PLOD2: variants seen among roughly 807,000 people sequenced by gnomAD.
The protein encoded by PLOD2 is procollagen-lysine,2-oxoglutarate 5-dioxygenase 2.
A neutral mutation model predicts 101.0 loss-of-function variants in PLOD2; 65 were observed. The observed-to-expected ratio is 0.64, with a 90% CI of 0.53 to 0.79. The LOEUF (loss-of-function observed/expected upper bound fraction) is 0.79. Among genes scored for constraint, PLOD2 ranks in the 30% least tolerant of loss-of-function variants. The pLI is 0.00. For synonymous variants in PLOD2, 314 were observed against 302.9 expected, an observed-to-expected ratio of 1.04 and a Z score of -0.38; for missense variants, 909 against 914.6, an observed-to-expected ratio of 0.99 and a Z score of 0.08.
At chr3:146,115,751 G>A (rs947905222) in intron 3 of PLOD2, among the ~76,000 whole-genome samples, 13 of 152,106 alleles carry the variant, frequency 8.5e-5, no homozygotes, top group African/African-American at 1.9e-4. Context: ...GGCCTAAAGC[G>A]GGAGTCAGTA....
chr3:146,077,956 C>T, intron 13 of PLOD2, 32 bp from the exon 14 acceptor site: 1 of 1,142,914 alleles, frequency 8.7e-7, no homozygotes, highest in Middle Eastern at 1.9e-4. Context: ...GGTAAGTTGA[C>T]CTGTACACCC....
At chr3:146,102,005 G>A (rs1937404802) in intron 7 of PLOD2, among the ~76,000 whole-genome samples, 1 of 152,116 alleles carries the variant, frequency 6.6e-6, no homozygotes, top group Non-Finnish European at 1.5e-5. Flanking sequence ...GCTTTTCCTG[G>A]AATTCAGATC....
At chr3:146,117,668 G>A (rs1937972983) in intron 3 of PLOD2, among the ~76,000 whole-genome samples, 2 of 152,104 alleles carry the variant, frequency 1.3e-5, no homozygotes, top group African/African-American at 4.8e-5. Flanking sequence ...CATGTTTTCA[G>A]TTAGCTGGCT....
At chr3:146,150,824 C>T (rs2032020275) in intron 1 of PLOD2, among the ~76,000 whole-genome samples, 1 of 152,056 alleles carries the variant, frequency 6.6e-6, no homozygotes, top group Non-Finnish European at 1.5e-5. Flanking sequence ...ATTTTTTTAA[C>T]AGCATACAAT....
At chr3:146,077,742 A>G in intron 14 of PLOD2, 120 bp downstream of exon 14, 1 of 626,458 alleles carries the variant, frequency 1.6e-6, no homozygotes, top group South Asian at 2.1e-5. Flanking sequence ...ATGACTGATG[A>G]AAATCAACAT....
chr3:146,113,564 C>T (rs559408233), intron 3 of PLOD2, among the ~76,000 whole-genome samples: 1 of 152,252 alleles, frequency 6.6e-6, no homozygotes, highest in South Asian at 2.1e-4. Flanking sequence ...GTCTTTACTG[C>T]AATCTCTGAA....
At chr3:146,106,708 A>G in intron 4 of PLOD2, 64 bp from the exon 5 acceptor site, 1 of 829,398 alleles carries the variant, frequency 1.2e-6, no homozygotes, top group Non-Finnish European at 2.1e-6. Context: ...GTGTCATGTT[A>G]ATTTCACTGA....
Position 146,161,159 on chromosome 3 carries a change from G to C in PLOD2, c.-170C>G, listed in dbSNP as rs527384365. ...AGCGGCGCGTAACGCAGCTGAGTGA[G>C]GTCGTCGGTGGAGGCACGGAGCAGC... is the stretch of plus-strand genomic sequence containing the variant. On this transcript the variant is annotated 5_prime_UTR_variant, in exon 1 of 20. Transcript: ENST00000282903. 800 of 408,096 alleles carry C rather than the reference G, an allele frequency of 2.0e-3. 4 individuals carry two copies. The highest frequency in any genetic ancestry group is 8.7e-3 in the South Asian group (129 of 14,782). The allele number at this position is 408,096 out of a possible 1,614,324, so 25.3% of individuals were successfully genotyped here. A position where few individuals can be genotyped will look rare whatever the true frequency, so the allele number is the denominator to read the frequency against.
At chr3:146,146,596 C>A (rs953715189) in intron 1 of PLOD2, among the ~76,000 whole-genome samples, 3 of 152,098 alleles carry the variant, frequency 2.0e-5, no homozygotes, top group African/African-American at 7.2e-5. Context: ...CTGAATTCTG[C>A]ATTGTTGGTA....
chr3:146,127,371 T>G (rs942130067), intron 1 of PLOD2, among the ~76,000 whole-genome samples: 37 of 152,076 alleles, frequency 2.4e-4, no homozygotes, highest in African/African-American at 8.5e-4. Context: ...ATTTTTTCCA[T>G]CTTTATGTCC....
At chr3:146,110,092 A>T (rs1226723745) in intron 4 of PLOD2, among the ~76,000 whole-genome samples, 193 bp downstream of exon 4, 1 of 152,200 alleles carries the variant, frequency 6.6e-6, no homozygotes, top group Non-Finnish European at 1.5e-5. Flanking sequence ...TTTGGTAATT[A>T]TAACATTTAT....
rs906348941 is a variant in PLOD2, at chr3:146,121,092, C to T, written c.338+20G>A. 2.0e-6 allele frequency: 3 copies of T among 1,533,514 alleles called. No homozygotes were observed. The highest frequency in any genetic ancestry group is 2.7e-6 in the Non-Finnish European group (3 of 1,107,360). 95.0% of individuals were successfully genotyped at this position (1,533,514 alleles called of 1,614,324 possible). A position where few individuals can be genotyped will look rare whatever the true frequency, so the allele number is the denominator to read the frequency against. ...AGTAATTGAATATAGATTTTAAAAT[C>T]CACAGGGTGTTTCTCCTACCATTCA... is the stretch of plus-strand genomic sequence containing the variant. On this transcript the variant is annotated intron_variant, in intron 3 of 19. Transcript: ENST00000282903.
intron 1 of PLOD2, 157 bp downstream of exon 1, chr3:146,160,724 C>G: frequency 1.6e-6 from 1 of 608,170 alleles, no homozygotes; most frequent in East Asian, 2.9e-5. Flanking sequence ...CCAGCGCCGC[C>G]CGACCGCAAT....
In PLOD2 at chr3:146,136,686, C is replaced by T. The variant is rs191350847; in HGVS notation, c.110-12457G>A. Among the ~76,000 whole-genome samples the T allele has an allele frequency of 2.3e-3, 355 of 152,152 alleles. 2 individuals carry two copies. Among genetic ancestry groups the T allele is most frequent in the African/African-American group, 8.2e-3 (340 of 41,530 alleles). ...TAGCAGTCATAGCACAATGGGTTGC[C>T]TTTTTTATGTTTAGATATATTTAGA... is the stretch of plus-strand genomic sequence containing the variant. On this transcript the variant is annotated intron_variant, in intron 1 of 19. Coordinates refer to ENST00000282903, the MANE Select transcript of PLOD2 (RefSeq NM_182943.3).
intron 1 of PLOD2, among the ~76,000 whole-genome samples, chr3:146,135,680 T>C (rs2108116589): frequency 6.6e-6 from 1 of 152,300 alleles, no homozygotes; most frequent in Middle Eastern, 3.4e-3. Context: ...TTCTGATGTA[T>C]GCTTTAAGAG....
At position 146,086,809 on chromosome 3, in the gene PLOD2, C is replaced by T. The variant is rs1273830117; in HGVS notation, c.1105G>A (p.Ala369Thr). The T allele has an allele frequency of 2.0e-6, 3 of 1,498,418 alleles. No homozygotes were observed. Among genetic ancestry groups the T allele is most frequent in the East Asian group, 2.4e-5 (1 of 41,850 alleles). 92.8% of individuals were successfully genotyped at this position (1,498,418 alleles called of 1,614,324 possible). ...IVGPEENLSQ[A>T]EARNMGMDFC... ...TACATTCCCATGTTTCTGGCTTCCGCTTGACTTAGATTTTCTTCTGGTCCT... is the reference window on the plus strand; with the variant it reads ...TACATTCCCATGTTTCTGGCTTCCGTTTGACTTAGATTTTCTTCTGGTCCT... The change falls in exon 10 of 20, where the codon GCG becomes ACG. Residue 369 changes from alanine (A) to threonine (T), a missense_variant. Physicochemically the swap from Ala to Thr is moderately conservative, Grantham distance 58. Transcript: ENST00000282903.
rs201406460 is a variant in PLOD2, at chr3:146,077,816, C to G, written c.1563+46G>C. 1.0e-5 allele frequency: 12 copies of G among 1,149,784 alleles called. No individual in the cohort carries two copies. In the East Asian group the frequency reaches 1.7e-4, roughly 17 times the overall value. 71.2% of individuals were successfully genotyped at this position (1,149,784 alleles called of 1,614,324 possible). ...TTTACTACTAGGCAATATACTATATCAAATATTAAATAAACAAAAATAAAT... is the reference window on the plus strand; with the variant it reads ...TTTACTACTAGGCAATATACTATATGAAATATTAAATAAACAAAAATAAAT... On this transcript the variant is annotated intron_variant, in intron 14 of 19. Coordinates refer to ENST00000282903, the MANE Select transcript of PLOD2 (RefSeq NM_182943.3).
intron 3 of PLOD2, among the ~76,000 whole-genome samples, chr3:146,116,479 GA>G (rs370267363): frequency 5.9e-5 from 9 of 152,194 alleles, no homozygotes; most frequent in African/African-American, 1.9e-4. Flanking sequence ...GATCATGGGG[GA>G]TATTTTTGTT....
Position 146,087,429 on chromosome 3 carries a change from T to C in PLOD2, c.1006-521A>G, listed in dbSNP as rs189327741. ...ATGGTCATATATAAAAAAATTTTAC[T>C]TAACAAAAAAAGGAAAAATTTAACA... On this transcript the variant is annotated intron_variant, in intron 9 of 19. Transcript: ENST00000282903. Among the ~76,000 whole-genome samples the C allele has an allele frequency of 3.9e-3, 597 of 151,960 alleles. 4 individuals carry two copies. Among genetic ancestry groups the C allele is most frequent in the African/African-American group, 0.014 (572 of 41,544 alleles).
Sources: gnomAD v4.1 joint callset for allele counts (sites outside exome capture counted in the v4.1 genomes callset) on GRCh38, gnomAD v4.1.1 for gene constraint, MANE v1.5 for transcripts, NCBI Gene and HGNC (gene_info 2026-07-23, HGNC 2026-07-21) for gene names.